SMNDC1: variants seen among roughly 807,000 people sequenced by gnomAD.
SMNDC1 encodes survival motor neuron domain containing 1.
In SMNDC1, 5 loss-of-function variants were observed where a neutral mutation model predicts 29.2. That is an observed-to-expected ratio of 0.17 (90% CI 0.09 to 0.36). The LOEUF is 0.36. SMNDC1 is among the 10% of genes least tolerant of loss of function. SMNDC1 has a pLI of 1.00. For synonymous variants in SMNDC1, 80 were observed against 89.9 expected (o/e 0.89, Z 0.62); for missense variants, 142 against 268.5 (o/e 0.53, Z 3.29).
rs1857491522 is a variant in SMNDC1 at position 110,290,815 on chromosome 10, A to T, written c.*3335T>A. ...CTACCCAAGTTAAAGCAAAAAGCTA[A>T]ATCAAAGCTTTAAATTTTTTTTGGT... On this transcript the variant is annotated 3_prime_UTR_variant, in exon 6 of 6. Coordinates refer to ENST00000369603, the MANE Select transcript of SMNDC1 (RefSeq NM_005871.4). 1 of 152,192 alleles carries T rather than the reference A, an allele frequency of 6.6e-6. No homozygotes were observed. Among genetic ancestry groups the T allele is most frequent in the African/African-American group, 2.4e-5 (1 of 41,464 alleles). The allele number at this position is 152,192 out of a possible 1,614,324, so 9.4% of individuals were successfully genotyped here.
intron 3 of SMNDC1, among the ~76,000 whole-genome samples, chr10:110,298,409 A>G (rs1020370937): frequency 6.6e-6 from 1 of 152,126 alleles, no homozygotes; most frequent in African/African-American, 2.4e-5. Flanking sequence ...GAAAACACCC[A>G]TTCATTGTCC....
intron 5 of SMNDC1, among the ~76,000 whole-genome samples, chr10:110,294,853 G>GT (rs1857543081): frequency 6.6e-6 from 1 of 152,188 alleles, no homozygotes; most frequent in African/African-American, 2.4e-5. Flanking sequence ...CAAGGTAAGT[G>GT]TATCAAGGGA....
At chr10:110,296,085 G>T (rs1857558857) in intron 4 of SMNDC1, among the ~76,000 whole-genome samples, 1 of 152,218 alleles carries the variant, frequency 6.6e-6, no homozygotes, top group Non-Finnish European at 1.5e-5. Flanking sequence ...AGAAAAAAAT[G>T]TATGAAGAGA....
At chr10:110,297,493 TTC>T (rs1857582081) in intron 4 of SMNDC1, 72 bp downstream of exon 4, 7 of 1,348,068 alleles carry the variant, frequency 5.2e-6, no homozygotes, top group Non-Finnish European at 7.2e-6. Flanking sequence ...TATGCATAGA[TTC>T]TCTCTGCAGA....
intron 3 of SMNDC1, among the ~76,000 whole-genome samples, chr10:110,298,049 T>C (rs887791874): frequency 1.3e-5 from 2 of 152,164 alleles, no homozygotes; most frequent in Admixed American, 6.5e-5. Context: ...AGTGCAGTAG[T>C]GCAATCTCAG....
chr10:110,292,813 T>G lies in SMNDC1; in HGVS notation c.*1337A>C, dbSNP rs1348329055. The G allele has an allele frequency of 6.6e-6, 1 of 152,142 alleles. No individual in the cohort carries two copies. Among genetic ancestry groups the G allele is most frequent in the Non-Finnish European group, 1.5e-5 (1 of 68,026 alleles). The allele number at this position is 152,142 out of a possible 1,614,324, so 9.4% of individuals were successfully genotyped here. A position where few individuals can be genotyped will look rare whatever the true frequency, so the allele number is the denominator to read the frequency against. Reference sequence around the variant, plus strand: ...ATGAAATAAAAACTTATTTTCCCCTTCCACCAAAAATCTACAAACACCCAT... The same window carrying G: ...ATGAAATAAAAACTTATTTTCCCCTGCCACCAAAAATCTACAAACACCCAT... On this transcript the variant is annotated 3_prime_UTR_variant, in exon 6 of 6. Transcript: ENST00000369603.
intron 2 of SMNDC1, 43 bp from the exon 3 acceptor site, chr10:110,298,833 CTCAT>C (rs752652944): frequency 6.0e-6 from 9 of 1,490,832 alleles, no homozygotes; most frequent in Non-Finnish European, 8.3e-6. Context: ...TTTTATAATT[CTCAT>C]TGTCAACTTA....
At chr10:110,300,376 G>T (rs1441529828) in intron 2 of SMNDC1, among the ~76,000 whole-genome samples, 1 of 152,024 alleles carries the variant, frequency 6.6e-6, no homozygotes, top group Non-Finnish European at 1.5e-5. Context: ...CCCTTTTTTA[G>T]AAAAAATCCA....
Position 110,294,138 on chromosome 10 carries a change from C to CA in SMNDC1, c.*11dup. ...AAAGCCCTGCAGAGATGAAATCCAACAGTTTTTCTGATTATTGAGGCATCA... is the reference window on the plus strand; with the variant it reads ...AAAGCCCTGCAGAGATGAAATCCAACAAGTTTTTCTGATTATTGAGGCATCA... On this transcript the variant is annotated 3_prime_UTR_variant, in exon 6 of 6. Coordinates refer to ENST00000369603, the MANE Select transcript of SMNDC1 (RefSeq NM_005871.4). The CA allele has an allele frequency of 6.4e-7, 1 of 1,562,796 alleles. No homozygotes were observed. The highest frequency in any genetic ancestry group is 8.6e-7 in the Non-Finnish European group (1 of 1,160,392).
chr10:110,301,353 T>C (rs1673665), intron 2 of SMNDC1, among the ~76,000 whole-genome samples: 1 of 152,236 alleles, frequency 6.6e-6, no homozygotes, highest in African/African-American at 2.4e-5. Context: ...CAAATACTTT[T>C]CAGAGTATTA....
Position 110,298,608 on chromosome 10 carries a change from T to C in SMNDC1, c.263+40A>G, listed in dbSNP as rs577103502. On this transcript the variant is annotated intron_variant, in intron 3 of 5. Transcript: ENST00000369603. ...AAAACTTCTTACCATTGTATTTTAT[T>C]ATTTCATGTTATAGTTAGAGTTTTT... 6.5e-6 allele frequency: 10 copies of C among 1,530,096 alleles called. No individual in the cohort carries two copies. The South Asian group carries it at 1.2e-4, about 18-fold the overall frequency. 94.8% of individuals were successfully genotyped at this position (1,530,096 alleles called of 1,614,324 possible).
Position 110,293,057 on chromosome 10 carries a change from C to T in SMNDC1, c.*1093G>A, listed in dbSNP as rs1857516805. ...ACACACCCTGGAGATTTTAAAAACA[C>T]TTTATTTAATAAAAGTTAAACATAC... is the stretch of plus-strand genomic sequence containing the variant. On this transcript the variant is annotated 3_prime_UTR_variant, in exon 6 of 6. Coordinates refer to ENST00000369603, the MANE Select transcript of SMNDC1 (RefSeq NM_005871.4). 1 of 152,156 alleles carries T rather than the reference C, an allele frequency of 6.6e-6. No individual in the cohort carries two copies. The highest frequency in any genetic ancestry group is 2.4e-5 in the African/African-American group (1 of 41,426). 9.4% of individuals were successfully genotyped at this position (152,156 alleles called of 1,614,324 possible). A position where few individuals can be genotyped will look rare whatever the true frequency, so the allele number is the denominator to read the frequency against.
Position 110,293,200 on chromosome 10 carries a change from A to G in SMNDC1, c.*950T>C, listed in dbSNP as rs746842093. ...GATAACTGTGATGATGTTCACTTAC[A>G]CCAACAAATGCAGACAACCTGATCT... On this transcript the variant is annotated 3_prime_UTR_variant, in exon 6 of 6. Transcript: ENST00000369603. The G allele has an allele frequency of 6.6e-6, 1 of 152,644 alleles. No homozygotes were observed. Among genetic ancestry groups the G allele is most frequent in the Non-Finnish European group, 1.5e-5 (1 of 68,036 alleles). 9.5% of individuals were successfully genotyped at this position (152,644 alleles called of 1,614,324 possible).
chr10:110,298,545 A>G lies in SMNDC1; in HGVS notation c.263+103T>C, dbSNP rs1208193873. The G allele has an allele frequency of 4.3e-6, 4 of 928,606 alleles. No individual in the cohort carries two copies. In the African/African-American group the frequency reaches 6.7e-5, roughly 15 times the overall value. The allele number at this position is 928,606 out of a possible 1,614,324, so 57.5% of individuals were successfully genotyped here. A position where few individuals can be genotyped will look rare whatever the true frequency, so the allele number is the denominator to read the frequency against. Reference sequence around the variant, plus strand: ...GGCTCTATAAATCATACTGCCTAATAGAAGTCAAGATTAAAATAGGGTAGT... The same window carrying G: ...GGCTCTATAAATCATACTGCCTAATGGAAGTCAAGATTAAAATAGGGTAGT... On this transcript the variant is annotated intron_variant, in intron 3 of 5. Coordinates refer to ENST00000369603, the MANE Select transcript of SMNDC1 (RefSeq NM_005871.4).
At chr10:110,302,211 G>C (rs1857661693) in intron 2 of SMNDC1, among the ~76,000 whole-genome samples, 1 of 152,128 alleles carries the variant, frequency 6.6e-6, no homozygotes, top group African/African-American at 2.4e-5. Context: ...CAAATCAAAT[G>C]GACAGGTGGC....
chr10:110,300,710 A>C, intron 2 of SMNDC1: 1 of 985,404 alleles, frequency 1.0e-6, no homozygotes, highest in Non-Finnish European at 1.2e-6. Flanking sequence ...TTACTGAAGG[A>C]AGGCGTTTCG....
Position 110,294,121 on chromosome 10 carries a change from G to A in SMNDC1, c.*29C>T, listed in dbSNP as rs774083033. The A allele has an allele frequency of 9.1e-6, 14 of 1,540,728 alleles. No individual in the cohort carries two copies. Among genetic ancestry groups the A allele is most frequent in the South Asian group, 1.2e-5 (1 of 81,314 alleles). On this transcript the variant is annotated 3_prime_UTR_variant, in exon 6 of 6. Coordinates refer to ENST00000369603, the MANE Select transcript of SMNDC1 (RefSeq NM_005871.4). ...GATAAAAAGGTAAATGTAAAGCCCT[G>A]CAGAGATGAAATCCAACAGTTTTTC... is the stretch of plus-strand genomic sequence containing the variant.
chr10:110,297,478 T>A, intron 4 of SMNDC1, 89 bp downstream of exon 4: 1 of 1,231,556 alleles, frequency 8.1e-7, no homozygotes, highest in South Asian at 1.4e-5. Context: ...GTATTACAAC[T>A]TTCTTATGCA....
In SMNDC1 at chr10:110,293,417, C is replaced by A. The variant is rs1474283339; in HGVS notation, c.*733G>T. Reference sequence around the variant, plus strand: ...GGCTATACATCAGCTTTTTGTTCTCCCATATAAACATCACACATCCAAAAC... The same window carrying A: ...GGCTATACATCAGCTTTTTGTTCTCACATATAAACATCACACATCCAAAAC... On this transcript the variant is annotated 3_prime_UTR_variant, in exon 6 of 6. Transcript: ENST00000369603. 6.6e-6 allele frequency: 1 copy of A among 152,382 alleles called. No individual in the cohort carries two copies. The highest frequency in any genetic ancestry group is 2.4e-5 in the African/African-American group (1 of 41,348). 9.4% of individuals were successfully genotyped at this position (152,382 alleles called of 1,614,324 possible). A position where few individuals can be genotyped will look rare whatever the true frequency, so the allele number is the denominator to read the frequency against.
Sources: allele counts gnomAD v4.1 joint callset (sites outside exome capture counted in the v4.1 genomes callset), GRCh38; gene constraint gnomAD v4.1.1; transcripts MANE v1.5; gene names NCBI Gene and HGNC (gene_info 2026-07-23, HGNC 2026-07-21).